Variants in POTEC observed in about 807,000 individuals in gnomAD.
POTEC encodes POTE ankyrin domain family member C, also known as ANKRD26-like family B member 2.
Under a neutral mutation model 62.0 loss-of-function variants are expected in POTEC, and 35 were observed. The ratio of observed to expected loss-of-function variants is 0.56; its 90% CI spans 0.43 to 0.75. The LOEUF (loss-of-function observed/expected upper bound fraction) is 0.75. POTEC is among the 30% of genes least tolerant of loss of function. The probability of loss-of-function intolerance (pLI) is 0.00; values close to 1 mark genes in which losing one functional copy is unlikely to be tolerated. For missense variants in POTEC, 472 were observed against 655.9 expected, an observed-to-expected ratio of 0.72 and a Z score of 3.06; for synonymous variants, 156 against 221.5, an observed-to-expected ratio of 0.70 and a Z score of 2.62.
intron 9 of POTEC, among the ~76,000 whole-genome samples, chr18:14,516,002 C>T (rs573145210): frequency 2.8e-4 from 42 of 151,234 alleles, no homozygotes; most frequent in African/African-American, 9.7e-4. Flanking sequence ...ATGGTCACTA[C>T]TAAAATAAAA....
rs1410752527 is a variant in POTEC, at chr18:14,508,142, G to A, written c.*3756C>T. 7.2e-5 allele frequency: 11 copies of A among 152,148 alleles called. No individual in the cohort carries two copies. Among genetic ancestry groups the A allele is most frequent in the Admixed American group, 7.2e-4 (11 of 15,276 alleles). The allele number at this position is 152,148 out of a possible 1,614,324, so 9.4% of individuals were successfully genotyped here. On this transcript the variant is annotated 3_prime_UTR_variant, in exon 11 of 11. Coordinates refer to ENST00000358970, the MANE Select transcript of POTEC (RefSeq NM_001137671.2). ...CTAGGTTGGGGACATTCTCATGAAT[G>A]ATATTCTGAAATGTGTTTTCCAAGT...
chr18:14,536,670 C>T (rs1414350600), intron 3 of POTEC, among the ~76,000 whole-genome samples: 1 of 152,082 alleles, frequency 6.6e-6, no homozygotes, highest in African/African-American at 2.4e-5. Flanking sequence ...TAGCTGGAAG[C>T]TAGTGCAATA....
Position 14,537,860 on chromosome 18 carries a change from C to G in POTEC, c.751G>C (p.Asp251His). The G allele has an allele frequency of 1.2e-6, 2 of 1,612,202 alleles. No individual in the cohort carries two copies. Among genetic ancestry groups the G allele is most frequent in the Non-Finnish European group, 1.7e-6 (2 of 1,179,746 alleles). ...AGCAGTGCTTTGGCCATTAATTTAT[C>G]TTCATTGTGGACAGCATAGTGTAGA... is the stretch of plus-strand genomic sequence containing the variant. ...TTLHYAVHNE[D>H]KLMAKALLLY... The change falls in exon 3 of 11, where the codon GAT becomes CAT. Residue 251 changes from aspartate to histidine, a missense_variant. Around this residue, in one of 5 missense-constraint regions of POTEC, gnomAD observed 52 missense variants for 54.2 expected, o/e 0.96. Coordinates refer to ENST00000358970, the MANE Select transcript of POTEC (RefSeq NM_001137671.2).
chr18:14,537,220 A>AC (rs1567915576), intron 3 of POTEC, among the ~76,000 whole-genome samples: 10 of 119,364 alleles, frequency 8.4e-5, no homozygotes, highest in South Asian at 2.9e-4. Flanking sequence ...CAAAAAAAAA[A>AC]AAAAACAAAA....
At position 14,510,644 on chromosome 18, in the gene POTEC, G is replaced by A. The variant is rs1598474885; in HGVS notation, c.*1254C>T. 1 of 152,296 alleles carries A rather than the reference G, an allele frequency of 6.6e-6. No homozygotes were observed. The highest frequency in any genetic ancestry group is 1.9e-4 in the East Asian group (1 of 5,170). The allele number at this position is 152,296 out of a possible 1,614,324, so 9.4% of individuals were successfully genotyped here. On this transcript the variant is annotated 3_prime_UTR_variant, in exon 11 of 11. Coordinates refer to ENST00000358970, the MANE Select transcript of POTEC (RefSeq NM_001137671.2). ...TTCCCTCTGGGAGCTCTGTACCTCT[G>A]AGGTATGAACCTGTTGCCAATCTCA...
At chr18:14,542,567 G>A (rs1249350276) in intron 1 of POTEC, 59 bp downstream of exon 1, 4 of 1,608,454 alleles carry the variant, frequency 2.5e-6, no homozygotes, top group East Asian at 2.2e-5. Context: ...CCTGCGCCAG[G>A]AGGGTATGTC....
At chr18:14,540,077 A>C (rs932719233) in intron 1 of POTEC, among the ~76,000 whole-genome samples, 1 of 138,974 alleles carries the variant, frequency 7.2e-6, no homozygotes, top group Admixed American at 7.3e-5. Context: ...ATAAATATAT[A>C]ACTAAACTAA....
At chr18:14,521,513 A>G (rs1298689596) in intron 9 of POTEC, among the ~76,000 whole-genome samples, 2 of 152,158 alleles carry the variant, frequency 1.3e-5, no homozygotes, top group Non-Finnish European at 2.9e-5. Flanking sequence ...TTTTTATATA[A>G]TAATGCTGTA....
intron 7 of POTEC, among the ~76,000 whole-genome samples, chr18:14,523,917 C>T (rs1910371910): frequency 6.6e-6 from 1 of 152,110 alleles, no homozygotes; most frequent in Non-Finnish European, 1.5e-5. Flanking sequence ...AAGAGCGTAT[C>T]TCATGAAACC....
In POTEC at chr18:14,533,901, G is replaced by GTT. The variant is rs200431500; in HGVS notation, c.918-705_918-704dup. Among the ~76,000 whole-genome samples the GTT allele has an allele frequency of 2.0e-4, 29 of 144,564 alleles. No individual in the cohort carries two copies. The South Asian group carries it at 2.9e-3, about 14-fold the overall frequency. The allele number at this position is 144,564 out of a possible 152,430, so 94.8% of individuals were successfully genotyped here. ...TTTTTTTTTTTTCCATGCCCAGCTA[G>GTT]TTTTTTTTTTGTTTTTGTTTTGTTA... On this transcript the variant is annotated intron_variant, in intron 4 of 10. Transcript: ENST00000358970.
rs1453897944 is a variant in POTEC at position 14,508,943 on chromosome 18, G to T, written c.*2955C>A. Reference sequence around the variant, plus strand: ...ATCTGATGACCTTGAGGATTTGATTGTGGTGTAAGGTGGATTCAGCCAACA... The same window carrying T: ...ATCTGATGACCTTGAGGATTTGATTTTGGTGTAAGGTGGATTCAGCCAACA... On this transcript the variant is annotated 3_prime_UTR_variant, in exon 11 of 11. Coordinates refer to ENST00000358970, the MANE Select transcript of POTEC (RefSeq NM_001137671.2). The T allele has an allele frequency of 6.6e-6, 1 of 152,152 alleles. No individual in the cohort carries two copies. The highest frequency in any genetic ancestry group is 2.4e-5 in the African/African-American group (1 of 41,434). 9.4% of individuals were successfully genotyped at this position (152,152 alleles called of 1,614,324 possible). A position where few individuals can be genotyped will look rare whatever the true frequency, so the allele number is the denominator to read the frequency against.
intron 6 of POTEC, among the ~76,000 whole-genome samples, chr18:14,530,121 ATGAACC>A (rs1235174791): frequency 1.3e-5 from 2 of 151,748 alleles, no homozygotes; most frequent in African/African-American, 2.4e-5. Context: ...TCATTGGAGC[ATGAACC>A]CTGTTGTGAA....
chr18:14,518,240 A>G (rs1358765047), intron 9 of POTEC, among the ~76,000 whole-genome samples: 5 of 152,024 alleles, frequency 3.3e-5, no homozygotes, highest in Non-Finnish European at 7.4e-5. Context: ...CCTATTCATG[A>G]GAGTGAGAAA....
chr18:14,528,184 C>T (rs1041141151), intron 6 of POTEC: 1 of 152,168 alleles, frequency 6.6e-6, no homozygotes, highest in Admixed American at 6.5e-5. Flanking sequence ...GCTTGCTAAC[C>T]CATTTTACAC....
intron 3 of POTEC, among the ~76,000 whole-genome samples, chr18:14,537,206 CACACAAAAAAAAAA>C (rs1905758715): frequency 1.3e-5 from 1 of 76,864 alleles, no homozygotes; most frequent in African/African-American, 7.7e-5. Context: ...CACACACACA[CACACAAAAAAAAAA>C]AAAAACAAAA....
chr18:14,516,298 T>TTATATATATATATATATA (rs200611192), intron 9 of POTEC, among the ~76,000 whole-genome samples: 20 of 25,102 alleles, frequency 8.0e-4, no homozygotes, highest in African/African-American at 2.0e-3. Flanking sequence ...AAAGAAAATT[T>TTATATATATATATATATA]TATATATATA....
chr18:14,513,301 C>T (rs929098514), intron 10 of POTEC, among the ~76,000 whole-genome samples: 6 of 152,134 alleles, frequency 3.9e-5, no homozygotes, highest in African/African-American at 1.2e-4. Flanking sequence ...TTAAAAAGAA[C>T]GAATGTCCCA....
intron 4 of POTEC, among the ~76,000 whole-genome samples, chr18:14,533,910 T>C (rs1905616329): frequency 6.6e-6 from 1 of 151,842 alleles, no homozygotes; most frequent in African/African-American, 2.4e-5. Context: ...AGTTTTTTTT[T>C]TGTTTTTGTT....
At chr18:14,512,815 G>C (rs1259765593) in intron 10 of POTEC, among the ~76,000 whole-genome samples, 2 of 152,138 alleles carry the variant, frequency 1.3e-5, no homozygotes, top group African/African-American at 2.4e-5. Context: ...GCAACGTGCA[G>C]GATTTTTGCC....
Sources: gnomAD v4.1 joint callset for allele counts (sites outside exome capture counted in the v4.1 genomes callset) on GRCh38, gnomAD v4.1.1 for gene constraint, gnomAD v4.1.1 regional missense constraint, MANE v1.5 for transcripts, NCBI Gene and HGNC (gene_info 2026-07-23, HGNC 2026-07-21) for gene names.